MEGF11: variants seen among roughly 807,000 people sequenced by gnomAD.
MEGF11 encodes the protein multiple epidermal growth factor-like domains protein 11.
A neutral mutation model predicts 146.6 loss-of-function variants in MEGF11; 126 were observed. The observed-to-expected ratio is 0.86, with a 90% CI of 0.74 to 1.00. MEGF11 has a LOEUF of 1.00. Among genes scored for constraint, MEGF11 ranks in the 50% least tolerant of loss-of-function variants. The pLI, the probability that MEGF11 is intolerant of heterozygous loss-of-function variation, is 0.00. For missense variants in MEGF11, 1,509 were observed against 1,521.2 expected (o/e 0.99, Z 0.13); for synonymous variants, 532 against 583.4 (o/e 0.91, Z 1.27).
intron 1 of MEGF11, among the ~76,000 whole-genome samples, chr15:66,154,298 G>GCGTT (rs1555477042): frequency 3.3e-5 from 5 of 151,640 alleles, no homozygotes; most frequent in Non-Finnish European, 4.4e-5. Flanking sequence ...CCCCAACCTC[G>GCGTT]CGCTCGCCCA....
At chr15:66,068,528 G>A (rs1017223354) in intron 5 of MEGF11, among the ~76,000 whole-genome samples, 2 of 152,178 alleles carry the variant, frequency 1.3e-5, no homozygotes, top group East Asian at 3.8e-4. Context: ...TGAGAAAGTT[G>A]AGGCCCAGAG....
rs183051306 is a variant in MEGF11, at chr15:66,237,940, G to A, written c.-9+15665C>T. Among the ~76,000 whole-genome samples the A allele has an allele frequency of 2.1e-3, 315 of 152,302 alleles. 6 individuals carry two copies. The highest frequency in any genetic ancestry group is 2.4e-4 in the Non-Finnish European group (16 of 68,028). On this transcript the variant is annotated intron_variant, in intron 1 of 25. Coordinates refer to ENST00000395614, the MANE Select transcript of MEGF11 (RefSeq NM_001385028.1). The stretch of plus-strand genomic sequence containing the variant: ...ATTAAGTGTTTGAAGGGAAAATACA[G>A]CAATATCCTATAGGATGTATTTGCA...
At chr15:66,151,708 G>A (rs2089576751) in intron 1 of MEGF11, among the ~76,000 whole-genome samples, 1 of 152,184 alleles carries the variant, frequency 6.6e-6, no homozygotes, top group Non-Finnish European at 1.5e-5. Flanking sequence ...GCAGACAAGA[G>A]CTCCCAGTAG....
intron 1 of MEGF11, among the ~76,000 whole-genome samples, chr15:66,138,029 A>T (rs767525377): frequency 6.6e-6 from 1 of 152,124 alleles, no homozygotes; most frequent in Non-Finnish European, 1.5e-5. Context: ...ACTGGGTGAG[A>T]TCCAACCTGC....
At chr15:66,077,418 G>T (rs965592877) in intron 5 of MEGF11, among the ~76,000 whole-genome samples, 1 of 152,302 alleles carries the variant, frequency 6.6e-6, no homozygotes, top group Admixed American at 6.5e-5. Flanking sequence ...CTTGGGGCAC[G>T]TGTCTGGCCC....
intron 9 of MEGF11, among the ~76,000 whole-genome samples, chr15:65,962,098 C>A (rs1362617456): frequency 2.0e-5 from 3 of 152,202 alleles, no homozygotes; most frequent in Non-Finnish European, 4.4e-5. Flanking sequence ...AATCCCCACT[C>A]AGTACCTGAA....
At chr15:66,189,453 C>T (rs771179316) in intron 1 of MEGF11, among the ~76,000 whole-genome samples, 23 of 152,186 alleles carry the variant, frequency 1.5e-4, no homozygotes, top group Non-Finnish European at 2.8e-4. Context: ...ATCCCCATTG[C>T]GCACATGGGG....
At chr15:66,142,141 A>C (rs1002685233) in intron 1 of MEGF11, among the ~76,000 whole-genome samples, 2 of 152,174 alleles carry the variant, frequency 1.3e-5, no homozygotes, top group Admixed American at 6.5e-5. Context: ...TTTGTACCCC[A>C]GGTATAAGCA....
chr15:66,119,246 A>G, intron 3 of MEGF11, 60 bp from the exon 4 acceptor site: 1 of 1,194,052 alleles, frequency 8.4e-7, no homozygotes, highest in Non-Finnish European at 1.2e-6. Flanking sequence ...CCCATTTAGA[A>G]TGATATTTGT....
chr15:66,117,143 G>T (rs527468739), intron 4 of MEGF11, among the ~76,000 whole-genome samples: 1 of 152,186 alleles, frequency 6.6e-6, no homozygotes, highest in African/African-American at 2.4e-5. Context: ...CATGTGGCAG[G>T]TGCTGGGAAG....
At chr15:66,082,459 AAAAAAAAATCTAT>A in intron 5 of MEGF11, among the ~76,000 whole-genome samples, 1 of 87,030 alleles carries the variant, frequency 1.1e-5, no homozygotes, top group Non-Finnish European at 2.2e-5. Context: ...AAAAAAAAAA[AAAAAAAAATCTAT>A]CTATCTATCT....
chr15:65,930,471 C>G (rs2079536470), intron 11 of MEGF11, among the ~76,000 whole-genome samples: 1 of 152,174 alleles, frequency 6.6e-6, no homozygotes, highest in Admixed American at 6.5e-5. Context: ...CACGTCCCAC[C>G]TCTTACCAGG....
chr15:66,214,459 G>A (rs1395711910), intron 1 of MEGF11, among the ~76,000 whole-genome samples: 1 of 152,206 alleles, frequency 6.6e-6, no homozygotes, highest in South Asian at 2.1e-4. Context: ...ATGTGATCTG[G>A]GAGGTCTCGG....
chr15:66,055,444 G>A (rs1372239733), intron 5 of MEGF11, among the ~76,000 whole-genome samples: 1 of 152,262 alleles, frequency 6.6e-6, no homozygotes, highest in Non-Finnish European at 1.5e-5. Flanking sequence ...TGTACAAGGA[G>A]ATATTCAGAC....
At chr15:66,180,345 G>A (rs2090512238) in intron 1 of MEGF11, among the ~76,000 whole-genome samples, 2 of 152,154 alleles carry the variant, frequency 1.3e-5, no homozygotes, top group African/African-American at 2.4e-5. Context: ...TCTTGAGAAG[G>A]TGACCGGATG....
In MEGF11 at chr15:66,183,227, T is replaced by G. The variant is rs541455122; in HGVS notation, c.-8-54816A>C. Among the ~76,000 whole-genome samples, 8 of 152,084 alleles carry G rather than the reference T, an allele frequency of 5.3e-5. No homozygotes were observed. The South Asian group carries it at 1.7e-3, about 32-fold the overall frequency. On this transcript the variant is annotated intron_variant, in intron 1 of 25. Coordinates refer to ENST00000395614, the MANE Select transcript of MEGF11 (RefSeq NM_001385028.1). ...AGAAGATACACACGGTGGCTGGGCG[T>G]GGGGGCTCACGCCTGTAATCCCAGC...
At chr15:66,030,204 G>C (rs114470211) in intron 5 of MEGF11, among the ~76,000 whole-genome samples, 1 of 152,066 alleles carries the variant, frequency 6.6e-6, no homozygotes, top group Non-Finnish European at 1.5e-5. Flanking sequence ...TGTACCTGCC[G>C]CATGCAAAAT....
At chr15:65,979,337 C>T (rs2081555318) in intron 7 of MEGF11, among the ~76,000 whole-genome samples, 1 of 152,150 alleles carries the variant, frequency 6.6e-6, no homozygotes, top group African/African-American at 2.4e-5. Flanking sequence ...ACCAAGTGGT[C>T]CCCAAGGTCC....
At chr15:66,054,403 A>C (rs1182264856) in intron 5 of MEGF11, among the ~76,000 whole-genome samples, 2 of 152,086 alleles carry the variant, frequency 1.3e-5, no homozygotes, top group East Asian at 1.9e-4. Context: ...ACCTGCCCCC[A>C]CAGACTCTCC....
Sources: allele counts gnomAD v4.1 joint callset (sites outside exome capture counted in the v4.1 genomes callset), GRCh38; gene constraint gnomAD v4.1.1; transcripts MANE v1.5; gene names NCBI Gene and HGNC (gene_info 2026-07-23, HGNC 2026-07-21).